Variants in TSPAN9 observed in about 807,000 individuals in gnomAD.
TSPAN9 encodes the protein tetraspanin 9, also known as tetraspanin-9.
In TSPAN9, 16 loss-of-function variants were observed where a neutral mutation model predicts 31.0. The observed-to-expected ratio is 0.52, with a 90% CI of 0.35 to 0.78. The LOEUF (loss-of-function observed/expected upper bound fraction) is 0.78. Ranked by LOEUF, TSPAN9 falls within the 30% of genes least tolerant of loss-of-function variation. TSPAN9 has a pLI of 0.01. For missense variants in TSPAN9, 272 were observed against 312.5 expected (o/e 0.87, Z 0.98); for synonymous variants, 145 against 121.6 (o/e 1.19, Z -1.27).
In TSPAN9 at chr12:3,198,346, C is replaced by T. The variant is rs2098368527; in HGVS notation, c.-17-2831C>T. On this transcript the variant is annotated intron_variant, in intron 2 of 8. Coordinates refer to ENST00000011898, the MANE Select transcript of TSPAN9 (RefSeq NM_006675.5). ...AGCACAGGCCACCACCAGCACAGCT[C>T]ACCGTACCAGCACAGGCCACCACCA... 1.8e-5 allele frequency among the ~76,000 whole-genome samples: 2 copies of T among 111,246 alleles called. 1 individual carries two copies. Among genetic ancestry groups the T allele is most frequent in the Non-Finnish European group, 3.8e-5 (2 of 52,862 alleles). 73.0% of individuals were successfully genotyped at this position (111,246 alleles called of 152,430 possible).
chr12:3,200,935 T>G, intron 2 of TSPAN9: 2 of 433,518 alleles, frequency 4.6e-6, no homozygotes, highest in South Asian at 3.7e-5. Context: ...AGAAGTCGAG[T>G]AGCGAGGATT....
Position 3,280,405 on chromosome 12 carries a change from C to A in TSPAN9, c.354C>A (p.Asp118Glu), listed in dbSNP as rs878983184. 6.2e-7 allele frequency: 1 copy of A among 1,613,142 alleles called. No homozygotes were observed. The highest frequency in any genetic ancestry group is 8.5e-7 in the Non-Finnish European group (1 of 1,179,784). Residue 118 changes from aspartate (D) to glutamate (E), a missense_variant, in exon 6 of 9, where the codon GAC (aspartate) becomes GAA (glutamate). Physicochemically the swap from Asp to Glu is conservative, Grantham distance 45. Coordinates refer to ENST00000011898, the MANE Select transcript of TSPAN9 (RefSeq NM_006675.5). This position sits in a 1 kb window ranked among gnomAD's most constrained non-coding sequence, Gnocchi z 4.5. The stretch of plus-strand genomic sequence containing the variant: ...AGGTGAACGAGAACGCCAAGAAGGA[C>A]CTGAAGGAAGGCCTGCTGCTGTACC... ...MDKVNENAKKDLKEGLLLYHT... is the reference protein window; with the variant it reads ...MDKVNENAKKELKEGLLLYHT...
In TSPAN9 at chr12:3,247,984, G is replaced by A. The variant is rs576101349; in HGVS notation, c.64-30437G>A. Among the ~76,000 whole-genome samples the A allele has an allele frequency of 6.4e-4, 97 of 152,340 alleles. No homozygotes were observed. In the Middle Eastern group the frequency reaches 0.02, roughly 32 times the overall value. ...AGCGCAGCGGGGCATGGAGGATGAT[G>A]GATTAGAAGACTGCATCTTAATCAA... On this transcript the variant is annotated intron_variant, in intron 3 of 8. Transcript: ENST00000011898.
chr12:3,236,135 T>C (rs1167237954), intron 3 of TSPAN9, among the ~76,000 whole-genome samples: 1 of 152,226 alleles, frequency 6.6e-6, no homozygotes, highest in Non-Finnish European at 1.5e-5. Flanking sequence ...ACAGTGCACC[T>C]GAAGTCAGAA....
At chr12:3,195,017 C>T (rs962003421) in intron 2 of TSPAN9, among the ~76,000 whole-genome samples, 10 of 152,240 alleles carry the variant, frequency 6.6e-5, no homozygotes, top group African/African-American at 2.2e-4. Flanking sequence ...GAGTAGCTCT[C>T]CCTTCTAAAA....
chr12:3,236,826 G>C (rs1486408904), intron 3 of TSPAN9, among the ~76,000 whole-genome samples: 1 of 152,128 alleles, frequency 6.6e-6, no homozygotes, highest in Non-Finnish European at 1.5e-5. Flanking sequence ...AGCTCATTCT[G>C]CAAGTTCATG....
intron 3 of TSPAN9, among the ~76,000 whole-genome samples, chr12:3,219,058 G>C (rs767512750): frequency 6.6e-6 from 1 of 152,208 alleles, no homozygotes; most frequent in African/African-American, 2.4e-5. Context: ...AATACAGAGC[G>C]ATGTGCCAGA....
chr12:3,245,196 C>T lies in TSPAN9; in HGVS notation c.64-33225C>T, dbSNP rs564722821. Among the ~76,000 whole-genome samples the T allele has an allele frequency of 2.1e-4, 32 of 152,322 alleles. 1 individual carries two copies. The South Asian group carries it at 4.1e-3, about 20-fold the overall frequency. On this transcript the variant is annotated intron_variant, in intron 3 of 8. Coordinates refer to ENST00000011898, the MANE Select transcript of TSPAN9 (RefSeq NM_006675.5). ...CACTGCTCTGACCAGACCATCCAAG[C>T]GAGTGAGCAGGTGCCTGGACCAAAG...
chr12:3,081,844 G>GTGTGTATATATATA (rs57812985), intron 1 of TSPAN9, among the ~76,000 whole-genome samples: 76 of 116,772 alleles, frequency 6.5e-4, no homozygotes, highest in African/African-American at 2.1e-3. Flanking sequence ...GTCTGTGTGT[G>GTGTGTATATATATA]TATATATATG....
intron 3 of TSPAN9, among the ~76,000 whole-genome samples, chr12:3,225,614 C>A (rs1037284405): frequency 2.0e-5 from 3 of 152,076 alleles, no homozygotes; most frequent in Non-Finnish European, 2.9e-5. Flanking sequence ...AGCAATGTAC[C>A]CCTGCACAGT....
intron 2 of TSPAN9, among the ~76,000 whole-genome samples, chr12:3,110,956 A>G (rs10774118): frequency 0.33 from 50,151 of 152,062 alleles, 8,459 homozygotes; most frequent in Middle Eastern, 0.45. Context: ...GAAAGGAAGC[A>G]GCAACCCAGG....
intron 2 of TSPAN9, among the ~76,000 whole-genome samples, chr12:3,135,079 G>T (rs1330920831): frequency 1.3e-5 from 2 of 151,940 alleles, no homozygotes; most frequent in Non-Finnish European, 2.9e-5. Flanking sequence ...TTAGAGTTGG[G>T]GCAACACTAT....
chr12:3,145,048 T>G (rs1355693248), intron 2 of TSPAN9, among the ~76,000 whole-genome samples: 2 of 152,146 alleles, frequency 1.3e-5, no homozygotes, highest in East Asian at 3.8e-4. Context: ...TCCTAGGAAA[T>G]GTCCCTCCTT....
intron 2 of TSPAN9, among the ~76,000 whole-genome samples, chr12:3,094,831 G>T (rs1013759033): frequency 6.8e-6 from 1 of 146,838 alleles, no homozygotes; most frequent in Non-Finnish European, 1.5e-5. Flanking sequence ...CAACACGCCC[G>T]GCAAAAATCA....
At chr12:3,112,913 C>T (rs981855980) in intron 2 of TSPAN9, among the ~76,000 whole-genome samples, 2 of 151,946 alleles carry the variant, frequency 1.3e-5, no homozygotes, top group Middle Eastern at 3.2e-3. Flanking sequence ...ACTCCTGGCT[C>T]CTGCAATTCT....
chr12:3,241,779 C>T (rs1157275869), intron 3 of TSPAN9, among the ~76,000 whole-genome samples: 1 of 152,142 alleles, frequency 6.6e-6, no homozygotes, highest in Admixed American at 6.5e-5. Flanking sequence ...CTGGGCACAG[C>T]GAGCCTGGGC....
chr12:3,182,074 G>C (rs1374692706), intron 2 of TSPAN9, among the ~76,000 whole-genome samples: 1 of 152,080 alleles, frequency 6.6e-6, no homozygotes, highest in Non-Finnish European at 1.5e-5. Context: ...AGGAATTTTT[G>C]GCAAGTTGGG....
At position 3,281,829 on chromosome 12, in the gene TSPAN9, G is replaced by T; in HGVS notation, c.648+12G>T. The T allele has an allele frequency of 6.2e-7, 1 of 1,613,524 alleles. No homozygotes were observed. Among genetic ancestry groups the T allele is most frequent in the South Asian group, 1.1e-5 (1 of 90,850 alleles). ...TCCTCATCATGCAGGTAAGAGGGGC[G>T]TCCCCAGCAGCCTCACCCACCCTGC... On this transcript the variant is annotated intron_variant, in intron 8 of 8. Coordinates refer to ENST00000011898, the MANE Select transcript of TSPAN9 (RefSeq NM_006675.5).
intron 2 of TSPAN9, among the ~76,000 whole-genome samples, chr12:3,120,714 T>C (rs1379286787): frequency 1.3e-5 from 2 of 152,242 alleles, no homozygotes; most frequent in African/African-American, 2.4e-5. Context: ...TAAACTGGAC[T>C]GTGGGGCTGG....
Sources: allele counts gnomAD v4.1 joint callset (sites outside exome capture counted in the v4.1 genomes callset), GRCh38; gene constraint gnomAD v4.1.1; non-coding constraint Gnocchi (gnomAD v3.1); transcripts MANE v1.5; gene names NCBI Gene and HGNC (gene_info 2026-07-23, HGNC 2026-07-21).